Variants in SRP68 observed in about 807,000 individuals in gnomAD.
SRP68 encodes the protein signal recognition particle 68.
SRP68 carries 15 observed loss-of-function variants against 82.2 expected under a neutral mutation model. The ratio of observed to expected loss-of-function variants is 0.18; its 90% CI spans 0.12 to 0.28. The LOEUF (loss-of-function observed/expected upper bound fraction) is 0.28. SRP68 is among the 10% of genes least tolerant of loss of function. SRP68 has a pLI of 1.00. For synonymous variants in SRP68, 261 were observed against 292.6 expected, an observed-to-expected ratio of 0.89 and a Z score of 1.10; for missense variants, 595 against 780.5, an observed-to-expected ratio of 0.76 and a Z score of 2.83.
intron 9 of SRP68, chr17:76,049,690 C>T (rs371234379): frequency 9.9e-5 from 15 of 152,182 alleles, no homozygotes; most frequent in Middle Eastern, 3.4e-3. Flanking sequence ...TTCAAAAAAG[C>T]CCTTATTTTA....
intron 11 of SRP68, among the ~76,000 whole-genome samples, chr17:76,045,697 G>C (rs1419340567): frequency 1.3e-5 from 2 of 152,196 alleles, no homozygotes; most frequent in African/African-American, 2.4e-5. Flanking sequence ...CATCTACTCA[G>C]ATGCCTTGAC....
intron 9 of SRP68, chr17:76,049,787 T>TA (rs2066658273): frequency 6.6e-6 from 1 of 152,202 alleles, no homozygotes; most frequent in African/African-American, 2.4e-5. Flanking sequence ...CAATGCTGCC[T>TA]ATGGGGTTTA....
At chr17:76,067,174 A>G in intron 3 of SRP68, 43 bp downstream of exon 3, 1 of 1,383,874 alleles carries the variant, frequency 7.2e-7, no homozygotes, top group Non-Finnish European at 1.0e-6. Context: ...CAATAAATGT[A>G]TTAGCAAGAA....
chr17:76,065,808 C>T (rs2066801943), intron 3 of SRP68, among the ~76,000 whole-genome samples: 2 of 151,982 alleles, frequency 1.3e-5, no homozygotes, highest in African/African-American at 4.8e-5. Flanking sequence ...TGATATACAA[C>T]ATTGCACTTT....
Position 76,072,414 on chromosome 17 carries a change from A to ACCGCCG in SRP68, c.72_77dup (p.Gly25_Gly26dup). Reference sequence around the variant, plus strand: ...CTCCGGCACCACGTCCACCGCCGCTACCGCCGCCGCCACTGCCACCGCCGC... The same window carrying ACCGCCG: ...CTCCGGCACCACGTCCACCGCCGCTACCGCCGCCGCCGCCGCCACTGCCACCGCCGC... On this transcript the variant is annotated inframe_insertion, in exon 1 of 16. Coordinates refer to ENST00000307877, the MANE Select transcript of SRP68 (RefSeq NM_014230.4). The surrounding 1 kb of genome is among the most constrained non-coding windows in gnomAD (Gnocchi z 4.5). 3.8e-6 allele frequency: 6 copies of ACCGCCG among 1,580,614 alleles called. No individual in the cohort carries two copies. Among genetic ancestry groups the ACCGCCG allele is most frequent in the Non-Finnish European group, 5.1e-6 (6 of 1,165,406 alleles).
At chr17:76,058,822 T>C (rs1157846999) in intron 7 of SRP68, among the ~76,000 whole-genome samples, 2 of 152,208 alleles carry the variant, frequency 1.3e-5, no homozygotes, top group East Asian at 1.9e-4. Flanking sequence ...CAAGAATGTG[T>C]GCAAAATCTG....
chr17:76,041,374 C>T lies in SRP68; in HGVS notation c.1525-396G>A, dbSNP rs190815727. ...TTAAGCAATGTGCCAGCCATGCGCCCAAGTGGCAGCGGGCTGGGGTAAAGG... is the reference window on the plus strand; with the variant it reads ...TTAAGCAATGTGCCAGCCATGCGCCTAAGTGGCAGCGGGCTGGGGTAAAGG... On this transcript the variant is annotated intron_variant, in intron 13 of 15. Transcript: ENST00000307877. The T allele has an allele frequency of 7.7e-3, 1,210 of 157,638 alleles. 16 individuals carry two copies. Among genetic ancestry groups the T allele is most frequent in the African/African-American group, 0.027 (1,135 of 41,626 alleles). The allele number at this position is 157,638 out of a possible 1,614,324, so 9.8% of individuals were successfully genotyped here.
intron 2 of SRP68, 50 bp downstream of exon 2, chr17:76,070,328 G>A: frequency 6.7e-7 from 1 of 1,484,684 alleles, no homozygotes; most frequent in Non-Finnish European, 9.4e-7. Flanking sequence ...ATTAACAAAA[G>A]CAAAGCAAGT....
intron 8 of SRP68, among the ~76,000 whole-genome samples, chr17:76,051,732 C>T (rs778604395): frequency 2.6e-5 from 4 of 152,064 alleles, no homozygotes; most frequent in East Asian, 3.8e-4. Flanking sequence ...AACTTGGGAA[C>T]GAACTGGGGC....
chr17:76,059,701 C>A (rs978526310), intron 7 of SRP68, among the ~76,000 whole-genome samples: 2 of 150,574 alleles, frequency 1.3e-5, no homozygotes, highest in Admixed American at 6.7e-5. Context: ...AATCCCAGAA[C>A]GCTGGGAGGC....
chr17:76,062,872 A>G (rs550483370), intron 4 of SRP68, among the ~76,000 whole-genome samples: 55 of 144,866 alleles, frequency 3.8e-4, no homozygotes, highest in African/African-American at 8.0e-4. Context: ...CCGGGTTCAC[A>G]CCATTCTCCT....
intron 8 of SRP68, among the ~76,000 whole-genome samples, chr17:76,056,521 T>A (rs904047221): frequency 1.3e-5 from 2 of 152,236 alleles, no homozygotes; most frequent in African/African-American, 4.8e-5. Flanking sequence ...AAAAGGGATA[T>A]GAGACAGGCA....
chr17:76,050,975 C>T (rs1378274280), intron 8 of SRP68, among the ~76,000 whole-genome samples: 2 of 152,102 alleles, frequency 1.3e-5, no homozygotes, highest in African/African-American at 2.4e-5. Flanking sequence ...TTGTCAAGCT[C>T]TACTGTATGC....
chr17:76,046,499 T>C (rs1012970236), intron 10 of SRP68, among the ~76,000 whole-genome samples: 2 of 139,832 alleles, frequency 1.4e-5, no homozygotes, highest in South Asian at 2.3e-4. Context: ...AAACAGAGAG[T>C]GGGATCCCAG....
At chr17:76,053,613 TG>T in intron 8 of SRP68, 1 of 985,404 alleles carries the variant, frequency 1.0e-6, no homozygotes, top group Non-Finnish European at 1.2e-6. Flanking sequence ...AAGTTCCCAC[TG>T]GGAATTTTAC....
chr17:76,053,657 G>A (rs760365587), intron 8 of SRP68: 1 of 985,330 alleles, frequency 1.0e-6, no homozygotes, highest in South Asian at 4.7e-5. Context: ...GGAAAAAGTC[G>A]ATTTGAAGGG....
At chr17:76,063,898 A>T (rs541299530) in intron 4 of SRP68, 78 bp downstream of exon 4, 47 of 1,345,314 alleles carry the variant, frequency 3.5e-5, no homozygotes, top group South Asian at 5.7e-5. Flanking sequence ...ACACTAAGAA[A>T]CTCTGTTCTG....
intron 2 of SRP68, among the ~76,000 whole-genome samples, chr17:76,068,929 T>G (rs1255867625): frequency 6.6e-6 from 1 of 151,802 alleles, no homozygotes; most frequent in Non-Finnish European, 1.5e-5. Flanking sequence ...TTTTCCACAA[T>G]GCCTTACCAC....
At chr17:76,047,348 G>A (rs1306918957) in intron 10 of SRP68, among the ~76,000 whole-genome samples, 1 of 152,142 alleles carries the variant, frequency 6.6e-6, no homozygotes, top group African/African-American at 2.4e-5. Flanking sequence ...GATTACAGGC[G>A]TGAGCCACCA....
Sources: allele counts gnomAD v4.1 joint callset (sites outside exome capture counted in the v4.1 genomes callset), GRCh38; gene constraint gnomAD v4.1.1; non-coding constraint Gnocchi (gnomAD v3.1); transcripts MANE v1.5; gene names NCBI Gene and HGNC (gene_info 2026-07-23, HGNC 2026-07-21).